Variants in ADGRA3 observed in about 807,000 individuals in gnomAD.
The protein encoded by ADGRA3 is G-protein coupled receptor 125.
In ADGRA3, 56 loss-of-function variants were observed where a neutral mutation model predicts 119.8. That is an observed-to-expected ratio of 0.47 (90% CI 0.38 to 0.58). The LOEUF (loss-of-function observed/expected upper bound fraction) is 0.58, where lower values mean the gene tolerates loss of function less well. Among genes scored for constraint, ADGRA3 ranks in the 20% least tolerant of loss-of-function variants. The pLI is 0.00. For synonymous variants in ADGRA3, 607 were observed against 623.8 expected, an observed-to-expected ratio of 0.97 and a Z score of 0.40; for missense variants, 1,516 against 1,649.0, an observed-to-expected ratio of 0.92 and a Z score of 1.40.
At chr4:22,392,118 C>G (rs939555981) in intron 17 of ADGRA3, among the ~76,000 whole-genome samples, 1 of 152,176 alleles carries the variant, frequency 6.6e-6, no homozygotes, top group African/African-American at 2.4e-5. Context: ...TACCACTTTT[C>G]ATATTATAAT....
intron 12 of ADGRA3, among the ~76,000 whole-genome samples, chr4:22,418,515 T>C (rs1715518922): frequency 6.6e-6 from 1 of 151,966 alleles, no homozygotes; most frequent in Non-Finnish European, 1.5e-5. Flanking sequence ...CAAGCCTGCT[T>C]GAGAATGACC....
chr4:22,415,818 TA>T (rs1032691898), intron 12 of ADGRA3, among the ~76,000 whole-genome samples: 2 of 152,010 alleles, frequency 1.3e-5, no homozygotes, highest in African/African-American at 4.8e-5. Flanking sequence ...TACACAAGTT[TA>T]AATCTGTAGA....
At chr4:22,446,741 C>T (rs188445126) in intron 5 of ADGRA3, among the ~76,000 whole-genome samples, 2 of 152,266 alleles carry the variant, frequency 1.3e-5, no homozygotes, top group African/African-American at 4.8e-5. Context: ...GGAAGAAAGA[C>T]ACTCAATCCC....
chr4:22,392,491 T>C (rs554859657), intron 17 of ADGRA3, 54 bp downstream of exon 17: 1 of 1,586,124 alleles, frequency 6.3e-7, no homozygotes, highest in East Asian at 2.2e-5. Flanking sequence ...TAATTTATGA[T>C]TATGCTTCAA....
intron 12 of ADGRA3, among the ~76,000 whole-genome samples, chr4:22,417,143 T>C (rs542634418): frequency 6.6e-6 from 1 of 152,352 alleles, no homozygotes; most frequent in African/African-American, 2.4e-5. Flanking sequence ...AATTATTAAC[T>C]GCATACCACC....
chr4:22,477,563 T>C (rs936323108), intron 1 of ADGRA3: 1 of 152,174 alleles, frequency 6.6e-6, no homozygotes, highest in Non-Finnish European at 1.5e-5. Flanking sequence ...GAGTAAAGAA[T>C]GAAACCCAAA....
intron 1 of ADGRA3, among the ~76,000 whole-genome samples, chr4:22,480,904 GC>G (rs1159454970): frequency 6.6e-6 from 1 of 151,946 alleles, no homozygotes; most frequent in Non-Finnish European, 1.5e-5. Flanking sequence ...ACTCTTTGAG[GC>G]CCTAGTATGC....
Position 22,413,660 on chromosome 4 carries a change from T to C in ADGRA3, c.1964A>G (p.Asn655Ser). ...KLFPATGNST[N>S]LADDGKRRTV... Reference sequence around the variant, plus strand: ...ACGTCGTTTTCCATCATCAGCCAAATTTGTTGAATTTCCAGTGGCTGGAAA... The same window carrying C: ...ACGTCGTTTTCCATCATCAGCCAAACTTGTTGAATTTCCAGTGGCTGGAAA... The change falls in exon 13 of 19, where the codon AAT becomes AGT. Residue 655 changes from asparagine (N) to serine (S), a missense_variant. By Grantham distance (46) the Asn-to-Ser change is conservative (BLOSUM62 1). This residue lies in a region of ADGRA3 where 1,088 missense variants were observed against 1,107.1 expected (regional missense o/e 0.98). Transcript: ENST00000334304. 6.2e-7 allele frequency: 1 copy of C among 1,613,962 alleles called. No homozygotes were observed. The highest frequency in any genetic ancestry group is 1.1e-5 in the South Asian group (1 of 91,076).
intron 1 of ADGRA3, among the ~76,000 whole-genome samples, chr4:22,510,776 G>C (rs1443620321): frequency 6.6e-6 from 1 of 152,046 alleles, no homozygotes; most frequent in Non-Finnish European, 1.5e-5. Flanking sequence ...TACCTTCCAA[G>C]GACTCCCCAG....
chr4:22,509,316 C>A (rs1719355048), intron 1 of ADGRA3, among the ~76,000 whole-genome samples: 1 of 151,876 alleles, frequency 6.6e-6, no homozygotes, highest in East Asian at 2.0e-4. Flanking sequence ...GCCTAGCCAA[C>A]ATGGTGAAAC....
chr4:22,406,234 CTT>C (rs774975250), intron 14 of ADGRA3, among the ~76,000 whole-genome samples: 92 of 152,112 alleles, frequency 6.0e-4, no homozygotes, highest in Non-Finnish European at 7.5e-4. Context: ...CTGATGGACA[CTT>C]AACGTTGATT....
At chr4:22,513,604 C>T (rs1358133013) in intron 1 of ADGRA3, among the ~76,000 whole-genome samples, 6 of 149,882 alleles carry the variant, frequency 4.0e-5, no homozygotes, top group African/African-American at 1.5e-4. Context: ...CTCCACCTCT[C>T]GGGTTCAAGT....
At chr4:22,428,562 G>T (rs1038623395) in intron 10 of ADGRA3, among the ~76,000 whole-genome samples, 1 of 152,156 alleles carries the variant, frequency 6.6e-6, no homozygotes, top group African/African-American at 2.4e-5. Context: ...TGGTTTTGGA[G>T]ATGACAAATA....
intron 14 of ADGRA3, among the ~76,000 whole-genome samples, chr4:22,409,254 T>C (rs972700949): frequency 2.6e-5 from 4 of 152,214 alleles, no homozygotes; most frequent in Non-Finnish European, 5.9e-5. Flanking sequence ...AATTCCACTT[T>C]GGAGAATTTG....
chr4:22,446,236 G>A (rs1483609038), intron 5 of ADGRA3, among the ~76,000 whole-genome samples: 1 of 152,098 alleles, frequency 6.6e-6, no homozygotes, highest in Non-Finnish European at 1.5e-5. Context: ...CCAGAAGGAG[G>A]ACGTGACAGA....
At chr4:22,484,110 CTG>C (rs1423368344) in intron 1 of ADGRA3, among the ~76,000 whole-genome samples, 6 of 152,110 alleles carry the variant, frequency 3.9e-5, no homozygotes, top group Non-Finnish European at 8.8e-5. Context: ...TTATGAAAAA[CTG>C]TGCAATTACA....
At chr4:22,471,782 C>T in intron 2 of ADGRA3, among the ~76,000 whole-genome samples, 1 of 152,102 alleles carries the variant, frequency 6.6e-6, no homozygotes, top group East Asian at 1.9e-4. Flanking sequence ...GTGGTCCCAA[C>T]AAAGGAGTGA....
Position 22,414,525 on chromosome 4 carries a change from C to T in ADGRA3, c.1810-711G>A, listed in dbSNP as rs562206984. 1.1e-5 allele frequency: 7 copies of T among 656,700 alleles called. 1 individual carries two copies. The South Asian group carries it at 1.2e-4, about 11-fold the overall frequency. The allele number at this position is 656,700 out of a possible 1,614,324, so 40.7% of individuals were successfully genotyped here. A position where few individuals can be genotyped will look rare whatever the true frequency, so the allele number is the denominator to read the frequency against. On this transcript the variant is annotated intron_variant, in intron 12 of 18. Coordinates refer to ENST00000334304, the MANE Select transcript of ADGRA3 (RefSeq NM_145290.4). ...AACAATTAACCATCTAAAAACATTCCATAGTTGAAGAATTTATTGTACAAT... is the reference window on the plus strand; with the variant it reads ...AACAATTAACCATCTAAAAACATTCTATAGTTGAAGAATTTATTGTACAAT...
At chr4:22,421,117 T>C (rs1042149335) in intron 11 of ADGRA3, 28 bp from the exon 12 acceptor site, 28 of 1,585,164 alleles carry the variant, frequency 1.8e-5, no homozygotes, top group Non-Finnish European at 2.4e-5. Context: ...ACAGGAGTTA[T>C]GAACGATTTA....
Sources: gnomAD v4.1 joint callset for allele counts (sites outside exome capture counted in the v4.1 genomes callset) on GRCh38, gnomAD v4.1.1 for gene constraint, gnomAD v4.1.1 regional missense constraint, MANE v1.5 for transcripts, NCBI Gene and HGNC (gene_info 2026-07-23, HGNC 2026-07-21) for gene names.